IL1RAPL2: variants seen among roughly 807,000 people sequenced by gnomAD.
IL1RAPL2 encodes the protein X-linked interleukin-1 receptor accessory protein-like 2.
IL1RAPL2 carries 3 observed loss-of-function variants against 44.1 expected under a neutral mutation model. The observed-to-expected ratio is 0.07, with a 90% confidence interval of 0.03 to 0.18. IL1RAPL2 has a LOEUF of 0.18. Among genes scored for constraint, IL1RAPL2 ranks in the 10% least tolerant of loss-of-function variants. IL1RAPL2 has a pLI of 1.00. For missense variants in IL1RAPL2, 391 were observed against 496.4 expected, an observed-to-expected ratio of 0.79 and a Z score of 2.02; for synonymous variants, 181 against 178.8, an observed-to-expected ratio of 1.01 and a Z score of -0.10.
chrX:104,800,035 G>C lies in IL1RAPL2; in HGVS notation c.82+141040G>C, dbSNP rs1380443812. Among the ~76,000 whole-genome samples the C allele has an allele frequency of 9.8e-3, 3 of 307 alleles. No individual in the cohort carries two copies. The Admixed American group carries it at 0.12, about 12-fold the overall frequency. 0.3% of individuals were successfully genotyped at this position (307 alleles called of 115,157 possible). A position where few individuals can be genotyped will look rare whatever the true frequency, so the allele number is the denominator to read the frequency against. The stretch of plus-strand genomic sequence containing the variant: ...TTACCTCCAATTAATTCCCCCAATG[G>C]CTTATAGCCACCCCCACCACCATTC... On this transcript the variant is annotated intron_variant, in intron 2 of 10. Coordinates refer to ENST00000372582, the MANE Select transcript of IL1RAPL2 (RefSeq NM_017416.2).
intron 2 of IL1RAPL2, among the ~76,000 whole-genome samples, chrX:104,751,903 C>G (rs1932265644): frequency 9.0e-6 from 1 of 111,001 alleles, no homozygotes; most frequent in South Asian, 3.8e-4. Flanking sequence ...AAGGGTTTAG[C>G]ACAGTGCCTG....
In IL1RAPL2 at chrX:104,988,969, C is replaced by T. The variant is rs758367196; in HGVS notation, c.83-206506C>T. On this transcript the variant is annotated intron_variant, in intron 2 of 10. Coordinates refer to ENST00000372582, the MANE Select transcript of IL1RAPL2 (RefSeq NM_017416.2). Reference sequence around the variant, plus strand: ...GTGAATTACATTTCTCATTTTATTACTTTATTATCCTTTTTATATATGGAT... The same window carrying T: ...GTGAATTACATTTCTCATTTTATTATTTTATTATCCTTTTTATATATGGAT... 4.5e-5 allele frequency among the ~76,000 whole-genome samples: 5 copies of T among 111,588 alleles called. No homozygotes were observed. In the South Asian group the frequency reaches 1.9e-3, roughly 42 times the overall value.
chrX:104,738,502 C>T (rs1932052400), intron 2 of IL1RAPL2, among the ~76,000 whole-genome samples: 1 of 112,217 alleles, frequency 8.9e-6, no homozygotes, highest in Non-Finnish European at 1.9e-5. Flanking sequence ...CTCAGAGCTG[C>T]TGTTATTGAC....
chrX:104,732,763 T>C (rs1174847182), intron 2 of IL1RAPL2, among the ~76,000 whole-genome samples: 1 of 111,673 alleles, frequency 9.0e-6, no homozygotes, highest in African/African-American at 3.2e-5. Flanking sequence ...AAAATTCCCC[T>C]GAACTAATTT....
At chrX:104,907,761 G>GA (rs1449588301) in intron 2 of IL1RAPL2, among the ~76,000 whole-genome samples, 1 of 110,541 alleles carries the variant, frequency 9.0e-6, no homozygotes, top group Non-Finnish European at 1.9e-5. Context: ...GTGTGGTGCT[G>GA]AAAAAAATGT....
chrX:104,947,224 G>A (rs1437477251), intron 2 of IL1RAPL2, among the ~76,000 whole-genome samples: 7 of 110,963 alleles, frequency 6.3e-5, no homozygotes, highest in African/African-American at 1.6e-4. Flanking sequence ...CTTTTGAGAA[G>A]TGTCTGTTCC....
chrX:105,246,482 A>G (rs973560870), intron 4 of IL1RAPL2, among the ~76,000 whole-genome samples: 7 of 111,621 alleles, frequency 6.3e-5, no homozygotes, highest in Non-Finnish European at 1.3e-4. Context: ...GATGGACTAA[A>G]ATCAGGGGTT....
intron 2 of IL1RAPL2, among the ~76,000 whole-genome samples, chrX:104,954,303 T>C (rs1925657300): frequency 8.9e-6 from 1 of 112,119 alleles, no homozygotes; most frequent in Admixed American, 9.5e-5. Flanking sequence ...AATTTTTCCC[T>C]TCTTGCCATC....
intron 6 of IL1RAPL2, among the ~76,000 whole-genome samples, chrX:105,709,964 C>G (rs2038195246): frequency 9.0e-6 from 1 of 111,259 alleles, no homozygotes; most frequent in Non-Finnish European, 1.9e-5. Flanking sequence ...CTTTGTAACT[C>G]TTATCTGATT....
intron 5 of IL1RAPL2, among the ~76,000 whole-genome samples, chrX:105,353,909 T>C (rs955070997): frequency 2.7e-5 from 3 of 111,248 alleles, no homozygotes; most frequent in Non-Finnish European, 3.8e-5. Flanking sequence ...CTTTTCCTAA[T>C]TGAATACTCT....
At chrX:105,149,727 G>A (rs1270743444) in intron 2 of IL1RAPL2, among the ~76,000 whole-genome samples, 1 of 110,201 alleles carries the variant, frequency 9.1e-6, no homozygotes, top group Non-Finnish European at 1.9e-5. Flanking sequence ...CAGCTACTTG[G>A]GAGGCTGAGG....
intron 2 of IL1RAPL2, among the ~76,000 whole-genome samples, chrX:104,871,078 G>A (rs955276886): frequency 7.2e-5 from 8 of 110,924 alleles, no homozygotes; most frequent in African/African-American, 2.6e-4. Flanking sequence ...ATTAAATAAC[G>A]ACTTATATAA....
chrX:104,677,274 T>C (rs891416568), intron 2 of IL1RAPL2, among the ~76,000 whole-genome samples: 1 of 110,896 alleles, frequency 9.0e-6, no homozygotes, highest in East Asian at 2.8e-4. Flanking sequence ...GATGGGTTTT[T>C]GGTGTGGATG....
intron 2 of IL1RAPL2, among the ~76,000 whole-genome samples, chrX:104,774,153 AAT>A (rs1932683822): frequency 8.9e-6 from 1 of 111,776 alleles, no homozygotes; most frequent in Admixed American, 9.5e-5. Flanking sequence ...TTCAGAGGTG[AAT>A]GATAATTCAA....
intron 5 of IL1RAPL2, among the ~76,000 whole-genome samples, chrX:105,313,778 A>G (rs2034816097): frequency 8.9e-6 from 1 of 111,859 alleles, no homozygotes; most frequent in Non-Finnish European, 1.9e-5. Context: ...GTTTAATAAC[A>G]TAACTGCTTT....
At chrX:104,968,979 C>CTGTG (rs35842489) in intron 2 of IL1RAPL2, among the ~76,000 whole-genome samples, 7,849 of 81,932 alleles carry the variant, frequency 0.096, 359 homozygotes, top group Non-Finnish European at 0.11. Context: ...TTGCCTTTTG[C>CTGTG]TGTGTGTGTG....
intron 6 of IL1RAPL2, among the ~76,000 whole-genome samples, chrX:105,538,504 C>T (rs2036696214): frequency 8.9e-6 from 1 of 111,909 alleles, no homozygotes; most frequent in Admixed American, 9.5e-5. Flanking sequence ...GATCACTCCA[C>T]TTCTCTGCTG....
chrX:105,355,565 A>G (rs1030647075), intron 5 of IL1RAPL2, among the ~76,000 whole-genome samples: 2 of 111,771 alleles, frequency 1.8e-5, no homozygotes, highest in African/African-American at 6.5e-5. Flanking sequence ...TAACTAGACT[A>G]TATGAACCAT....
intron 1 of IL1RAPL2, among the ~76,000 whole-genome samples, chrX:104,623,173 A>T (rs1217432889): frequency 1.8e-5 from 2 of 111,589 alleles, no homozygotes; most frequent in African/African-American, 3.3e-5. Flanking sequence ...AACAGTAAGA[A>T]AGATATGCTG....
Sources: gnomAD v4.1 joint callset for allele counts (sites outside exome capture counted in the v4.1 genomes callset) on GRCh38, gnomAD v4.1.1 for gene constraint, MANE v1.5 for transcripts, NCBI Gene and HGNC (gene_info 2026-07-23, HGNC 2026-07-21) for gene names.